LVRN: variants seen among roughly 807,000 people sequenced by gnomAD.
LVRN encodes laeverin.
Under a neutral mutation model 111.4 loss-of-function variants are expected in LVRN, and 99 were observed. That is an observed-to-expected ratio of 0.89 (90% CI 0.76 to 1.05). LVRN has a LOEUF of 1.05. LVRN is among the 50% of genes least tolerant of loss of function. The probability of loss-of-function intolerance (pLI) is 0.00; values close to 1 mark genes in which losing one functional copy is unlikely to be tolerated. For missense variants in LVRN, 1,414 were observed against 1,206.8 expected, an observed-to-expected ratio of 1.17 and a Z score of -2.54; for synonymous variants, 488 against 449.5, an observed-to-expected ratio of 1.09 and a Z score of -1.08.
chr5:116,013,016 G>T (rs535594212), intron 15 of LVRN, among the ~76,000 whole-genome samples: 2 of 152,156 alleles, frequency 1.3e-5, no homozygotes, highest in East Asian at 3.9e-4. Context: ...TAGGAAGGAG[G>T]CAAGAGGCAA....
chr5:116,011,595 C>A (rs1029783311), intron 14 of LVRN, among the ~76,000 whole-genome samples: 2 of 152,048 alleles, frequency 1.3e-5, no homozygotes, highest in Admixed American at 6.6e-5. Context: ...ATTTCTGGAC[C>A]ATTCAGAGGG....
At chr5:116,003,582 TTTTTG>T (rs1490307952) in intron 12 of LVRN, among the ~76,000 whole-genome samples, 1 of 85,096 alleles carries the variant, frequency 1.2e-5, no homozygotes, top group Non-Finnish European at 2.2e-5. Context: ...TTTTTTGTTT[TTTTTG>T]TTTTTTTTTT....
chr5:116,018,333 G>A (rs996452569), intron 18 of LVRN, among the ~76,000 whole-genome samples: 1 of 152,022 alleles, frequency 6.6e-6, no homozygotes, highest in African/African-American at 2.4e-5. Flanking sequence ...TTTATTTTAT[G>A]AGAGTACTAC....
intron 13 of LVRN, among the ~76,000 whole-genome samples, chr5:116,009,015 G>T (rs1261946703): frequency 6.6e-6 from 1 of 152,220 alleles, no homozygotes; most frequent in Non-Finnish European, 1.5e-5. Flanking sequence ...GAGAGGACAA[G>T]TCAATGCCTG....
chr5:116,002,647 A>G (rs1448021054), intron 10 of LVRN, among the ~76,000 whole-genome samples, 188 bp from the exon 11 acceptor site: 1 of 152,218 alleles, frequency 6.6e-6, no homozygotes, highest in African/African-American at 2.4e-5. Flanking sequence ...GGAGTAAACA[A>G]TAGCCAAAGT....
At chr5:116,007,962 G>T (rs1053458046) in intron 13 of LVRN, among the ~76,000 whole-genome samples, 1 of 152,140 alleles carries the variant, frequency 6.6e-6, no homozygotes. Context: ...CTTAATAATT[G>T]TGTGTGTTCT....
At chr5:115,966,779 T>C (rs2112546868) in intron 1 of LVRN, among the ~76,000 whole-genome samples, 1 of 152,348 alleles carries the variant, frequency 6.6e-6, no homozygotes, top group South Asian at 2.1e-4. Context: ...AATATATGAG[T>C]GATAGATGTT....
At chr5:115,966,782 T>C (rs1468721952) in intron 1 of LVRN, among the ~76,000 whole-genome samples, 2 of 152,270 alleles carry the variant, frequency 1.3e-5, no homozygotes, top group Non-Finnish European at 2.9e-5. Flanking sequence ...ATATGAGTGA[T>C]AGATGTTCTC....
rs138728759 is a variant in LVRN, at chr5:116,007,773, A to C, written c.2093+1806A>C. ...TGAGTCAAGCAAGTCTATCAGCATC[A>C]TTTTCCAGCAGCATGTGCTCATGTT... On this transcript the variant is annotated intron_variant, in intron 13 of 19. Coordinates refer to ENST00000357872, the MANE Select transcript of LVRN (RefSeq NM_173800.5). 6.9e-3 allele frequency among the ~76,000 whole-genome samples: 1,046 copies of C among 152,304 alleles called. 40 individuals are homozygous for C. Among genetic ancestry groups the C allele is most frequent in the Admixed American group, 0.064 (980 of 15,298 alleles).
chr5:115,984,786 G>T, intron 3 of LVRN, 77 bp downstream of exon 3: 7 of 1,553,036 alleles, frequency 4.5e-6, no homozygotes, highest in Non-Finnish European at 6.1e-6. Flanking sequence ...TGCATCCAGT[G>T]GTTATGGCTG....
At chr5:115,964,361 C>T (rs6885155) in intron 1 of LVRN, among the ~76,000 whole-genome samples, 66,147 of 152,048 alleles carry the variant, frequency 0.44, 15,239 homozygotes, top group African/African-American at 0.58. Flanking sequence ...TCAAAGGTTT[C>T]TAAATAAGTT....
chr5:115,979,553 C>G (rs895598524), intron 1 of LVRN, among the ~76,000 whole-genome samples: 3 of 152,176 alleles, frequency 2.0e-5, no homozygotes, highest in South Asian at 4.1e-4. Context: ...CCCAGGTTCT[C>G]AAGGCCATTT....
At chr5:116,018,003 G>A (rs957558635) in intron 18 of LVRN, among the ~76,000 whole-genome samples, 1 of 152,142 alleles carries the variant, frequency 6.6e-6, no homozygotes, top group African/African-American at 2.4e-5. Flanking sequence ...GCTCGTGCCT[G>A]TAATCCCAGC....
chr5:116,019,125 A>G (rs944115740), intron 18 of LVRN, among the ~76,000 whole-genome samples: 10 of 152,236 alleles, frequency 6.6e-5, no homozygotes, highest in Admixed American at 5.9e-4. Flanking sequence ...GGTATAGTCT[A>G]TTGCTCCTAG....
chr5:115,976,666 T>G (rs2112562433), intron 1 of LVRN, among the ~76,000 whole-genome samples: 1 of 152,362 alleles, frequency 6.6e-6, no homozygotes, highest in East Asian at 1.9e-4. Context: ...TACTTTCTAA[T>G]TTCCATTTGG....
At chr5:116,023,178 A>C (rs912198765) in intron 19 of LVRN, among the ~76,000 whole-genome samples, 2 of 152,304 alleles carry the variant, frequency 1.3e-5, no homozygotes, top group African/African-American at 4.8e-5. Context: ...TCATCCTGTG[A>C]ATATATTTTT....
intron 18 of LVRN, 196 bp from the exon 19 acceptor site, chr5:116,022,195 A>G (rs1242471502): frequency 4.2e-6 from 2 of 477,462 alleles, no homozygotes; most frequent in African/African-American, 4.1e-5. Context: ...TAACACATAT[A>G]AGTATTTAAC....
intron 2 of LVRN, 137 bp downstream of exon 2, chr5:115,983,566 C>T (rs1747769081): frequency 1.0e-6 from 1 of 976,722 alleles, no homozygotes; most frequent in Non-Finnish European, 1.4e-6. Context: ...AGAGCAGTCA[C>T]CTGGGATATG....
At chr5:115,982,027 A>T (rs1326606124) in intron 1 of LVRN, among the ~76,000 whole-genome samples, 1 of 152,184 alleles carries the variant, frequency 6.6e-6, no homozygotes, top group African/African-American at 2.4e-5. Context: ...GATGGAGTGG[A>T]GTAGGGTCTT....
Sources: gnomAD v4.1 joint callset for allele counts (sites outside exome capture counted in the v4.1 genomes callset) on GRCh38, gnomAD v4.1.1 for gene constraint, MANE v1.5 for transcripts, NCBI Gene and HGNC (gene_info 2026-07-23, HGNC 2026-07-21) for gene names.